The following SGCZ variants were observed in gnomAD, a reference collection of about 807,000 sequenced individuals.
SGCZ encodes the protein sarcoglycan zeta, also known as zeta-sarcoglycan.
A neutral mutation model predicts 41.3 loss-of-function variants in SGCZ; 40 were observed. That is an observed-to-expected ratio of 0.97 (90% confidence interval 0.75 to 1.26). SGCZ has a LOEUF of 1.26. Ranked by LOEUF, SGCZ falls within the 50% of genes most tolerant of loss-of-function variation. SGCZ has a pLI of 0.00. For missense variants in SGCZ, 552 were observed against 369.8 expected (o/e 1.49, Z -4.04); for synonymous variants, 206 against 137.5 (o/e 1.50, Z -3.49).
intron 1 of SGCZ, among the ~76,000 whole-genome samples, chr8:15,096,518 G>T (rs1036029113): frequency 6.6e-6 from 1 of 152,086 alleles, no homozygotes; most frequent in Admixed American, 6.6e-5. Context: ...GGGCATAAAC[G>T]TATCAACCAT....
intron 1 of SGCZ, among the ~76,000 whole-genome samples, chr8:15,146,123 T>C (rs1161476563): frequency 7.0e-6 from 1 of 143,086 alleles, no homozygotes; most frequent in Non-Finnish European, 1.5e-5. Flanking sequence ...AATAAATGAA[T>C]GAGAACTTAG....
intron 5 of SGCZ, among the ~76,000 whole-genome samples, chr8:14,139,928 A>C (rs1256150154): frequency 6.6e-6 from 1 of 152,156 alleles, no homozygotes; most frequent in East Asian, 1.9e-4. Context: ...TCGATGCAAA[A>C]ATCCTCAATA....
At chr8:14,971,069 T>C (rs192120077) in intron 1 of SGCZ, among the ~76,000 whole-genome samples, 6 of 152,334 alleles carry the variant, frequency 3.9e-5, no homozygotes, top group Admixed American at 2.6e-4. Context: ...TTATTTTCAA[T>C]TGCTTGTTGC....
intron 1 of SGCZ, among the ~76,000 whole-genome samples, chr8:14,753,172 G>T (rs180695287): frequency 6.6e-6 from 1 of 152,156 alleles, no homozygotes; most frequent in Non-Finnish European, 1.5e-5. Context: ...CTGATACTTG[G>T]CCTGTTTCTT....
intron 1 of SGCZ, among the ~76,000 whole-genome samples, chr8:14,944,806 G>C (rs1800387606): frequency 6.6e-6 from 1 of 152,116 alleles, no homozygotes; most frequent in African/African-American, 2.4e-5. Context: ...AAGTCAAGGA[G>C]TGTACTGAAG....
chr8:14,507,230 C>A (rs890459525), intron 2 of SGCZ, among the ~76,000 whole-genome samples: 1 of 149,826 alleles, frequency 6.7e-6, no homozygotes, highest in Admixed American at 6.6e-5. Flanking sequence ...TGTAGCCATT[C>A]GCACCAGCAC....
intron 1 of SGCZ, among the ~76,000 whole-genome samples, chr8:14,626,218 TG>T (rs985153976): frequency 1.3e-5 from 2 of 152,120 alleles, no homozygotes; most frequent in African/African-American, 4.8e-5. Flanking sequence ...TAGGTAAACG[TG>T]TGTCATGGTG....
intron 1 of SGCZ, among the ~76,000 whole-genome samples, chr8:14,583,805 A>C (rs17250357): frequency 1.4e-5 from 2 of 147,210 alleles, no homozygotes; most frequent in Non-Finnish European, 3.0e-5. Flanking sequence ...AATTTTATTC[A>C]AAATAATTTA....
intron 1 of SGCZ, among the ~76,000 whole-genome samples, chr8:15,109,432 G>A (rs923462341): frequency 1.3e-5 from 2 of 152,022 alleles, no homozygotes; most frequent in African/African-American, 2.4e-5. Flanking sequence ...AGGAAAAAAT[G>A]TTTATACGAG....
chr8:15,008,634 G>C (rs1480559287), intron 1 of SGCZ, among the ~76,000 whole-genome samples: 2 of 96,454 alleles, frequency 2.1e-5, no homozygotes, highest in South Asian at 5.5e-4. Flanking sequence ...GGGAGGGAAG[G>C]AAGGAGGGAA....
intron 1 of SGCZ, among the ~76,000 whole-genome samples, chr8:15,125,915 G>A (rs983959352): frequency 1.1e-4 from 16 of 152,172 alleles, no homozygotes; most frequent in Admixed American, 3.3e-4. Context: ...GGAAGCCAAG[G>A]CAAGTGGATC....
rs1369513947 is a variant in SGCZ, at chr8:14,084,995, A to T, written c.*5448T>A. 6.6e-6 allele frequency among the ~76,000 whole-genome samples: 1 copy of T among 151,766 alleles called. No individual in the cohort carries two copies. Among genetic ancestry groups the T allele is most frequent in the Non-Finnish European group, 1.5e-5 (1 of 67,832 alleles). ...AAAAGGTCTCATTTCAGAGAAAAAA[A>T]GGTTTCCAATTGCCAAAACTTTGCT... On this transcript the variant is annotated 3_prime_UTR_variant, in exon 8 of 8. Coordinates refer to ENST00000382080, the MANE Select transcript of SGCZ (RefSeq NM_139167.4).
At chr8:14,647,855 A>T (rs1203987648) in intron 1 of SGCZ, among the ~76,000 whole-genome samples, 1 of 152,054 alleles carries the variant, frequency 6.6e-6, no homozygotes, top group Non-Finnish European at 1.5e-5. Flanking sequence ...AGTTGAAGTT[A>T]TTGACAGCCT....
intron 1 of SGCZ, among the ~76,000 whole-genome samples, chr8:15,189,940 T>C (rs1339232708): frequency 6.6e-6 from 1 of 152,174 alleles, no homozygotes; most frequent in Non-Finnish European, 1.5e-5. Flanking sequence ...ATTTCCTTTG[T>C]TCCACAGTCT....
At chr8:14,727,187 G>T (rs2130216585) in intron 1 of SGCZ, among the ~76,000 whole-genome samples, 1 of 152,008 alleles carries the variant, frequency 6.6e-6, no homozygotes, top group South Asian at 2.1e-4. Flanking sequence ...CTTCACCAAA[G>T]AAGACATATA....
At chr8:15,145,615 C>T (rs1306816135) in intron 1 of SGCZ, among the ~76,000 whole-genome samples, 1 of 152,068 alleles carries the variant, frequency 6.6e-6, no homozygotes, top group Admixed American at 6.6e-5. Context: ...TACAGGTACA[C>T]ACCATCTGAT....
chr8:14,904,030 A>G (rs559055259), intron 1 of SGCZ, among the ~76,000 whole-genome samples: 3 of 152,216 alleles, frequency 2.0e-5, no homozygotes, highest in African/African-American at 7.2e-5. Flanking sequence ...AAATTTTAAA[A>G]GTCAACTAAA....
intron 1 of SGCZ, among the ~76,000 whole-genome samples, chr8:14,984,611 A>G (rs1801771517): frequency 6.6e-6 from 1 of 152,034 alleles, no homozygotes; most frequent in African/African-American, 2.4e-5. Flanking sequence ...TGACCATTGT[A>G]TATCCTGTAA....
intron 1 of SGCZ, among the ~76,000 whole-genome samples, chr8:15,108,499 CA>C: frequency 6.6e-6 from 1 of 152,250 alleles, no homozygotes; most frequent in African/African-American, 2.4e-5. Flanking sequence ...TTTATATATT[CA>C]GTAAACAACC....
Sources: allele counts gnomAD v4.1 joint callset (sites outside exome capture counted in the v4.1 genomes callset), GRCh38; gene constraint gnomAD v4.1.1; transcripts MANE v1.5; gene names NCBI Gene and HGNC (gene_info 2026-07-23, HGNC 2026-07-21).